Variants in USP25 observed in about 807,000 individuals in gnomAD.
USP25 encodes ubiquitin specific peptidase 25, also known as ubiquitin carboxyl-terminal hydrolase 25.
In USP25, 85 loss-of-function variants were observed where a neutral mutation model predicts 158.5. That is an observed-to-expected ratio of 0.54 (90% CI 0.45 to 0.64). The LOEUF (loss-of-function observed/expected upper bound fraction) is 0.64. Among genes scored for constraint, USP25 ranks in the 30% least tolerant of loss-of-function variants. The pLI is 0.00. For synonymous variants in USP25, 464 were observed against 460.4 expected (o/e 1.01, Z -0.10); for missense variants, 1,242 against 1,327.3 (o/e 0.94, Z 1.00).
intron 4 of USP25, among the ~76,000 whole-genome samples, chr21:15,789,437 T>C (rs954375298): frequency 2.0e-5 from 3 of 152,128 alleles, no homozygotes; most frequent in African/African-American, 7.2e-5. Flanking sequence ...ATCTGCTCTG[T>C]TGACATTATT....
chr21:15,864,588 T>C, intron 21 of USP25, 142 bp downstream of exon 21: 1 of 728,686 alleles, frequency 1.4e-6, no homozygotes, highest in Non-Finnish European at 2.1e-6. Flanking sequence ...TTGAACTCAA[T>C]GTGACTAGTT....
intron 9 of USP25, among the ~76,000 whole-genome samples, chr21:15,817,885 G>C (rs367930142): frequency 6.6e-6 from 1 of 152,078 alleles, no homozygotes; most frequent in South Asian, 2.1e-4. Context: ...CAGCCAAACC[G>C]TATCAGTGAC....
chr21:15,807,901 G>A (rs757775229), intron 7 of USP25, among the ~76,000 whole-genome samples: 12 of 152,220 alleles, frequency 7.9e-5, no homozygotes, highest in South Asian at 2.1e-4. Context: ...GGATTTTTGC[G>A]TTGCGTTTAG....
chr21:15,877,142 C>G (rs1274587796), intron 24 of USP25: 1 of 152,164 alleles, frequency 6.6e-6, no homozygotes, highest in Non-Finnish European at 1.5e-5. Context: ...TGAATAGTTG[C>G]AACAGAAACT....
intron 1 of USP25, among the ~76,000 whole-genome samples, chr21:15,736,525 T>C (rs2031536225): frequency 6.6e-6 from 1 of 152,154 alleles, no homozygotes; most frequent in Non-Finnish European, 1.5e-5. Context: ...TCAGTTTTGA[T>C]GGATAGACCA....
intron 4 of USP25, among the ~76,000 whole-genome samples, chr21:15,785,256 T>C (rs1401633719): frequency 2.0e-5 from 3 of 151,708 alleles, no homozygotes; most frequent in Non-Finnish European, 2.9e-5. Flanking sequence ...ATAAAGCAAA[T>C]ATTATTAGAT....
intron 19 of USP25, among the ~76,000 whole-genome samples, chr21:15,849,167 A>C (rs2038770299): frequency 6.6e-6 from 1 of 152,188 alleles, no homozygotes; most frequent in Non-Finnish European, 1.5e-5. Flanking sequence ...CATTTAAAAA[A>C]GTTGAATTGT....
At chr21:15,750,667 C>T (rs1038947825) in intron 1 of USP25, among the ~76,000 whole-genome samples, 4 of 151,630 alleles carry the variant, frequency 2.6e-5, no homozygotes, top group Admixed American at 2.0e-4. Context: ...AGTGCCGTGG[C>T]GTGATCACGG....
intron 1 of USP25, among the ~76,000 whole-genome samples, chr21:15,751,759 A>G (rs1207323549): frequency 6.6e-6 from 1 of 152,246 alleles, no homozygotes; most frequent in East Asian, 1.9e-4. Context: ...ATGTTCCCAT[A>G]GAAACCATGT....
At chr21:15,764,607 T>C (rs1299480524) in intron 2 of USP25, among the ~76,000 whole-genome samples, 1 of 152,186 alleles carries the variant, frequency 6.6e-6, no homozygotes, top group Non-Finnish European at 1.5e-5. Flanking sequence ...TTTGTGTAAA[T>C]TCCTGCTGTG....
At chr21:15,754,291 A>G in intron 1 of USP25, among the ~76,000 whole-genome samples, 1 of 152,122 alleles carries the variant, frequency 6.6e-6, no homozygotes, top group East Asian at 1.9e-4. Flanking sequence ...TTGTCTTGTG[A>G]TATGGCTTGT....
At chr21:15,783,683 C>T (rs916991075) in intron 4 of USP25, among the ~76,000 whole-genome samples, 49 of 151,830 alleles carry the variant, frequency 3.2e-4, no homozygotes, top group African/African-American at 1.0e-3. Flanking sequence ...AAGGGCCGGG[C>T]GCAGTGGCTG....
At chr21:15,757,720 G>A (rs1229684227) in intron 1 of USP25, among the ~76,000 whole-genome samples, 1 of 152,198 alleles carries the variant, frequency 6.6e-6, no homozygotes, top group East Asian at 1.9e-4. Context: ...CAGCGATGCA[G>A]GTAGTTTCAT....
At chr21:15,761,337 A>G (rs2033713767) in intron 1 of USP25, among the ~76,000 whole-genome samples, 1 of 152,188 alleles carries the variant, frequency 6.6e-6, no homozygotes. Context: ...CAGGAATGTC[A>G]GGCAACCATT....
At chr21:15,863,853 A>G (rs1040666951) in intron 20 of USP25, among the ~76,000 whole-genome samples, 8 of 151,910 alleles carry the variant, frequency 5.3e-5, no homozygotes, top group Non-Finnish European at 1.2e-4. Flanking sequence ...TGGCCAACAT[A>G]GTGAAACCCC....
chr21:15,752,981 C>G (rs2033132343), intron 1 of USP25, among the ~76,000 whole-genome samples: 1 of 152,210 alleles, frequency 6.6e-6, no homozygotes, highest in Non-Finnish European at 1.5e-5. Flanking sequence ...GAGTAATAAA[C>G]AACTCTTCAA....
At chr21:15,840,997 T>A (rs1228755063) in intron 17 of USP25, among the ~76,000 whole-genome samples, 3 of 152,158 alleles carry the variant, frequency 2.0e-5, no homozygotes, top group African/African-American at 7.2e-5. Context: ...AGCCAAAGAT[T>A]TTCTTTATCT....
chr21:15,878,232 A>C (rs2040176222), intron 25 of USP25, 71 bp from the exon 26 acceptor site: 1 of 1,538,106 alleles, frequency 6.5e-7, no homozygotes, highest in Non-Finnish European at 8.8e-7. Context: ...AGTTAATATT[A>C]GTAAATCATG....
At chr21:15,787,407 T>C (rs1460674063) in intron 4 of USP25, among the ~76,000 whole-genome samples, 1 of 151,980 alleles carries the variant, frequency 6.6e-6, no homozygotes, top group Non-Finnish European at 1.5e-5. Context: ...AACAGACACA[T>C]AGACCAGTGG....
Sources: gnomAD v4.1 joint callset for allele counts (sites outside exome capture counted in the v4.1 genomes callset) on GRCh38, gnomAD v4.1.1 for gene constraint, MANE v1.5 for transcripts, NCBI Gene and HGNC (gene_info 2026-07-23, HGNC 2026-07-21) for gene names.